ACSL3: variants seen among roughly 807,000 people sequenced by gnomAD.
ACSL3 encodes acyl-CoA synthetase long chain family member 3, also known as fatty acid CoA ligase Acsl3.
ACSL3 carries 34 observed loss-of-function variants against 84.7 expected under a neutral mutation model. That is an observed-to-expected ratio of 0.40 (90% CI 0.31 to 0.53). The LOEUF (loss-of-function observed/expected upper bound fraction) is 0.53, where lower values mean the gene tolerates loss of function less well. Among genes scored for constraint, ACSL3 ranks in the 20% least tolerant of loss-of-function variants. The pLI is 0.48. For missense variants in ACSL3, 680 were observed against 873.1 expected, an observed-to-expected ratio of 0.78 and a Z score of 2.79; for synonymous variants, 315 against 299.4, an observed-to-expected ratio of 1.05 and a Z score of -0.54.
chr2:222,883,638 T>C (rs1040120212), intron 1 of ACSL3, among the ~76,000 whole-genome samples: 7 of 152,226 alleles, frequency 4.6e-5, no homozygotes, highest in African/African-American at 1.7e-4. Flanking sequence ...TGGGATATTA[T>C]ATTGCAGTGT....
chr2:222,935,894 G>T (rs977913957), intron 16 of ACSL3, among the ~76,000 whole-genome samples: 2 of 151,928 alleles, frequency 1.3e-5, no homozygotes, highest in Non-Finnish European at 2.9e-5. Flanking sequence ...CTTGCAAAAC[G>T]GAGACACTAT....
At position 222,926,254 on chromosome 2, in the gene ACSL3, A is replaced by G. The variant is rs372279657; in HGVS notation, c.1293-763A>G. On this transcript the variant is annotated intron_variant, in intron 11 of 16. Transcript: ENST00000357430. ...TGTGTGTAGGCTTTATGCAAATACT[A>G]TGCCGTTTTATATAAGGGACTTAGG... is the stretch of plus-strand genomic sequence containing the variant. 2.4e-4 allele frequency among the ~76,000 whole-genome samples: 36 copies of G among 152,334 alleles called. No homozygotes were observed. In the East Asian group the frequency reaches 6.7e-3, roughly 29 times the overall value.
intron 1 of ACSL3, among the ~76,000 whole-genome samples, chr2:222,882,753 A>T (rs947473108): frequency 7.5e-6 from 1 of 133,974 alleles, no homozygotes; most frequent in African/African-American, 2.9e-5. Context: ...GAATACCTCC[A>T]GATCACTGTT....
chr2:222,918,352 T>G (rs1248551936), intron 6 of ACSL3, among the ~76,000 whole-genome samples, 197 bp downstream of exon 6: 1 of 151,990 alleles, frequency 6.6e-6, no homozygotes, highest in Non-Finnish European at 1.5e-5. Flanking sequence ...TAATCCAGAG[T>G]TATAAATTGT....
chr2:222,941,452 A>C, intron 16 of ACSL3, 45 bp from the exon 17 acceptor site: 1 of 1,521,154 alleles, frequency 6.6e-7, no homozygotes, highest in Non-Finnish European at 8.8e-7. Flanking sequence ...ATTTGCTAAG[A>C]ACTTAAATAC....
chr2:222,908,848 A>T lies in ACSL3; in HGVS notation c.76A>T (p.Ile26Leu). 1 of 1,604,832 alleles carries T rather than the reference A, an allele frequency of 6.2e-7. No individual in the cohort carries two copies. The highest frequency in any genetic ancestry group is 1.1e-5 in the South Asian group (1 of 89,672). The stretch of plus-strand genomic sequence containing the variant: ...CATCAACCCTATTCTTTTATATTTT[A>T]TACATTTTCTAATATCACTTTATAC... ...HTINPILLYF[I>L]HFLISLYTIL... The change falls in exon 4 of 17, where the codon ATA becomes TTA. Residue 26 changes from isoleucine to leucine, a missense_variant. Transcript: ENST00000357430.
At chr2:222,939,542 T>C (rs1697252898) in intron 16 of ACSL3, among the ~76,000 whole-genome samples, 1 of 152,162 alleles carries the variant, frequency 6.6e-6, no homozygotes. Flanking sequence ...GTTCCTGTTA[T>C]TTAGATTCAG....
intron 8 of ACSL3, 78 bp from the exon 9 acceptor site, chr2:222,922,630 A>G: frequency 6.3e-7 from 1 of 1,579,064 alleles, no homozygotes; most frequent in Non-Finnish European, 8.6e-7. Context: ...ATGTGCCTTC[A>G]AGCTTGCTCC....
intron 3 of ACSL3, among the ~76,000 whole-genome samples, chr2:222,902,040 CAT>C (rs1397094972): frequency 1.4e-5 from 2 of 146,122 alleles, no homozygotes; most frequent in Admixed American, 1.4e-4. Flanking sequence ...CCAAATTTAA[CAT>C]ATTTTTGTTA....
In ACSL3 at chr2:222,916,474, G is replaced by A. The variant is rs1399413173; in HGVS notation, c.534G>A (p.Ala178=). Residue 178 remains alanine (A), a synonymous_variant, in exon 5 of 17, where the codon GCG becomes GCA. Transcript: ENST00000357430. Reference sequence around the variant, plus strand: ...CCGAGTGGATGATAGCTGCACAGGCGTGTTTTATGTATAATTTTCAGCGTA... The same window carrying A: ...CCGAGTGGATGATAGCTGCACAGGCATGTTTTATGTATAATTTTCAGCGTA... ...TRAEWMIAAQ[A]CFMYNFQLVT... is the part of the protein sequence containing the mutation. 1.2e-6 allele frequency: 2 copies of A among 1,602,286 alleles called. No homozygotes were observed. Among genetic ancestry groups the A allele is most frequent in the Admixed American group, 1.7e-5 (1 of 58,222 alleles).
At chr2:222,863,253 A>T (rs535592933) in intron 1 of ACSL3, among the ~76,000 whole-genome samples, 75 of 152,344 alleles carry the variant, frequency 4.9e-4, no homozygotes, top group African/African-American at 1.8e-3. Context: ...CAAGATTGTG[A>T]TGTAGATGGA....
At chr2:222,872,147 G>A (rs1185175980) in intron 1 of ACSL3, among the ~76,000 whole-genome samples, 1 of 152,024 alleles carries the variant, frequency 6.6e-6, no homozygotes, top group Non-Finnish European at 1.5e-5. Context: ...ATTTTGAGAC[G>A]GAGTTTCGCT....
At chr2:222,927,614 A>C (rs1274740401) in intron 12 of ACSL3, among the ~76,000 whole-genome samples, 1 of 152,234 alleles carries the variant, frequency 6.6e-6, no homozygotes, top group Non-Finnish European at 1.5e-5. Context: ...GTGTTAGAGA[A>C]GGAACTAAGT....
intron 3 of ACSL3, among the ~76,000 whole-genome samples, chr2:222,901,811 T>G (rs7557653): frequency 0.83 from 126,228 of 151,812 alleles, 52,815 homozygotes; most frequent in East Asian, 0.97. Context: ...TGGGCGTGAT[T>G]GAGCACGCCT....
intron 1 of ACSL3, among the ~76,000 whole-genome samples, chr2:222,868,845 CTGTAA>C (rs1233688694): frequency 6.6e-6 from 1 of 151,972 alleles, no homozygotes; most frequent in East Asian, 1.9e-4. Context: ...TAGCGGGTGC[CTGTAA>C]TCCCAGCTAC....
Position 222,941,547 on chromosome 2 carries a change from C to T in ACSL3, c.2056C>T (p.Pro686Ser), listed in dbSNP as rs768754981. The T allele has an allele frequency of 6.2e-7, 1 of 1,612,660 alleles. No individual in the cohort carries two copies. The highest frequency in any genetic ancestry group is 1.1e-5 in the South Asian group (1 of 91,020). The change falls in exon 17 of 17, where the codon CCG becomes TCG. Residue 686 changes from proline to serine, a missense_variant. By Grantham distance (74) the Pro-to-Ser change is moderately conservative. Around this residue, in one of 2 missense-constraint regions of ACSL3, gnomAD observed 347 missense variants for 525.7 expected, o/e 0.66. Coordinates refer to ENST00000357430, the MANE Select transcript of ACSL3 (RefSeq NM_004457.5). ...AGTAAAAATTCGTTTGAGTCCTGAA[C>T]CGTGGACCCCTGAAACTGGTCTGGT... ...IPVKIRLSPE[P>S]WTPETGLVTD...
At position 222,936,988 on chromosome 2, in the gene ACSL3, C is replaced by T. The variant is rs371090837; in HGVS notation, c.2005+2301C>T. Among the ~76,000 whole-genome samples, 15 of 152,246 alleles carry T rather than the reference C, an allele frequency of 9.9e-5. No homozygotes were observed. In the South Asian group the frequency reaches 3.1e-3, roughly 32 times the overall value. ...GATCCAGTCACCTCCCACCAGGTTCCCCCCTTGACATGTCGGGATTATGGG... is the reference window on the plus strand; with the variant it reads ...GATCCAGTCACCTCCCACCAGGTTCTCCCCTTGACATGTCGGGATTATGGG... On this transcript the variant is annotated intron_variant, in intron 16 of 16. Transcript: ENST00000357430.
chr2:222,882,179 A>G (rs1161173958), intron 1 of ACSL3, among the ~76,000 whole-genome samples: 2 of 152,254 alleles, frequency 1.3e-5, no homozygotes, highest in Admixed American at 6.5e-5. Flanking sequence ...TTTTTAAAGT[A>G]ATTTCTTAGC....
At chr2:222,919,229 C>T (rs775355400) in intron 7 of ACSL3, 27 bp downstream of exon 7, 1 of 1,609,524 alleles carries the variant, frequency 6.2e-7, no homozygotes, top group Non-Finnish European at 8.5e-7. Context: ...TAATTCCTTA[C>T]CTGTGCTTTC....
Sources: allele counts gnomAD v4.1 joint callset (sites outside exome capture counted in the v4.1 genomes callset), GRCh38; gene constraint gnomAD v4.1.1; regional missense constraint gnomAD v4.1.1; transcripts MANE v1.5; gene names NCBI Gene and HGNC (gene_info 2026-07-23, HGNC 2026-07-21).